Variants in LRRC7 observed in about 807,000 individuals in gnomAD.
LRRC7 encodes the protein leucine rich repeat containing 7, also known as leucine-rich repeat-containing protein 7.
In LRRC7, 23 loss-of-function variants were observed where a neutral mutation model predicts 175.7. The observed-to-expected ratio is 0.13, with a 90% CI of 0.09 to 0.19. LRRC7 has a LOEUF of 0.19. LRRC7 is among the 10% of genes least tolerant of loss of function. The probability of loss-of-function intolerance (pLI) is 1.00; values close to 1 mark genes in which losing one functional copy is unlikely to be tolerated. For synonymous variants in LRRC7, 685 were observed against 680.9 expected (o/e 1.01, Z -0.09); for missense variants, 1,354 against 1,904.7 (o/e 0.71, Z 5.38).
intron 2 of LRRC7, among the ~76,000 whole-genome samples, chr1:69,680,044 G>A (rs942726605): frequency 6.6e-6 from 1 of 152,074 alleles, no homozygotes; most frequent in African/African-American, 2.4e-5. Flanking sequence ...ATTTACCTGG[G>A]TCTTCATAAA....
chr1:69,771,453 ATCT>A (rs1672234512), intron 3 of LRRC7, among the ~76,000 whole-genome samples: 1 of 152,140 alleles, frequency 6.6e-6, no homozygotes, highest in East Asian at 1.9e-4. Flanking sequence ...CAGTTTTATA[ATCT>A]TCTACAAGTT....
intron 3 of LRRC7, among the ~76,000 whole-genome samples, chr1:69,773,416 T>C (rs1462100800): frequency 6.6e-6 from 1 of 152,012 alleles, no homozygotes; most frequent in African/African-American, 2.4e-5. Flanking sequence ...GAGGTTCCAG[T>C]GTGTGAAAGA....
At chr1:70,026,286 A>G (rs1312011633) in intron 17 of LRRC7, among the ~76,000 whole-genome samples, 1 of 152,134 alleles carries the variant, frequency 6.6e-6, no homozygotes, top group Non-Finnish European at 1.5e-5. Flanking sequence ...AGCTGGTTAT[A>G]AAAAATAAAA....
Position 70,131,961 on chromosome 1 carries a change from G to A in LRRC7, c.*10074G>A, listed in dbSNP as rs1327151038. 6.6e-6 allele frequency among the ~76,000 whole-genome samples: 1 copy of A among 152,152 alleles called. No homozygotes were observed. The highest frequency in any genetic ancestry group is 2.4e-5 in the African/African-American group (1 of 41,440). ...AGCATTTTAGAATAATGAGAATAAT[G>A]AGTGAGTAAGGAACAAGAACAGACT... is the stretch of plus-strand genomic sequence containing the variant. On this transcript the variant is annotated 3_prime_UTR_variant, in exon 27 of 27. Transcript: ENST00000651989.
intron 18 of LRRC7, among the ~76,000 whole-genome samples, chr1:70,032,333 C>A (rs1449736983): frequency 6.6e-6 from 1 of 151,972 alleles, no homozygotes; most frequent in Non-Finnish European, 1.5e-5. Context: ...AATCTTGGCT[C>A]CACCTTGTGA....
chr1:69,947,583 CA>C (rs1254316932), intron 8 of LRRC7, among the ~76,000 whole-genome samples: 1 of 151,922 alleles, frequency 6.6e-6, no homozygotes, highest in East Asian at 1.9e-4. Context: ...TGTCACAGCT[CA>C]TATATTTTTA....
chr1:70,140,330 T>C lies in LRRC7; in HGVS notation c.*18443T>C, dbSNP rs1448664438. 1 of 152,162 alleles carries C rather than the reference T, an allele frequency of 6.6e-6. No individual in the cohort carries two copies. The highest frequency in any genetic ancestry group is 2.4e-5 in the African/African-American group (1 of 41,436). The allele number at this position is 152,162 out of a possible 1,614,324, so 9.4% of individuals were successfully genotyped here. On this transcript the variant is annotated 3_prime_UTR_variant, in exon 27 of 27. Coordinates refer to ENST00000651989, the MANE Select transcript of LRRC7 (RefSeq NM_001370785.2). ...TACAGCACGCTTACTACTTTCTCCT[T>C]CCATTTTCCACACCTCAGCCCCCTA... is the stretch of plus-strand genomic sequence containing the variant.
At chr1:69,789,006 AAATG>A (rs1489752274) in intron 3 of LRRC7, among the ~76,000 whole-genome samples, 1 of 152,176 alleles carries the variant, frequency 6.6e-6, no homozygotes, top group Non-Finnish European at 1.5e-5. Context: ...TTTCATGAAC[AAATG>A]AATGAATGAA....
rs1666825732 is a variant in LRRC7 at position 70,135,391 on chromosome 1, A to G, written c.*13504A>G. 6.6e-6 allele frequency among the ~76,000 whole-genome samples: 1 copy of G among 152,200 alleles called. No homozygotes were observed. The highest frequency in any genetic ancestry group is 2.4e-5 in the African/African-American group (1 of 41,454). On this transcript the variant is annotated 3_prime_UTR_variant, in exon 27 of 27. Transcript: ENST00000651989. ...CATTTTTTTAGTTCTGTCATGAGGT[A>G]AAGATGTAAAGATGTAAAAAGCTCT...
At chr1:69,642,484 T>C (rs1654357826) in intron 1 of LRRC7, among the ~76,000 whole-genome samples, 1 of 152,064 alleles carries the variant, frequency 6.6e-6, no homozygotes, top group Non-Finnish European at 1.5e-5. Flanking sequence ...ATAGTAAATA[T>C]AATAACTTAC....
At chr1:69,727,814 G>A (rs906981877) in intron 2 of LRRC7, among the ~76,000 whole-genome samples, 5 of 152,248 alleles carry the variant, frequency 3.3e-5, no homozygotes, top group African/African-American at 7.2e-5. Flanking sequence ...TTATAACTAC[G>A]AAATCTTACC....
chr1:69,799,349 T>C (rs916337238), intron 4 of LRRC7, among the ~76,000 whole-genome samples: 1 of 152,060 alleles, frequency 6.6e-6, no homozygotes, highest in African/African-American at 2.4e-5. Context: ...CTCATCCTTT[T>C]CCCCACAACC....
chr1:69,821,496 A>T (rs1304698674), intron 4 of LRRC7, among the ~76,000 whole-genome samples: 2 of 151,506 alleles, frequency 1.3e-5, no homozygotes, highest in East Asian at 1.9e-4. Flanking sequence ...GATTTTATTG[A>T]TTTGTCCATC....
At chr1:70,004,979 C>T (rs1324827403) in intron 11 of LRRC7, among the ~76,000 whole-genome samples, 8 of 151,872 alleles carry the variant, frequency 5.3e-5, no homozygotes, top group African/African-American at 9.7e-5. Flanking sequence ...AAGGGAATAT[C>T]GCAGGACAAC....
chr1:69,885,059 A>T (rs201400788), intron 7 of LRRC7, among the ~76,000 whole-genome samples: 38,729 of 112,634 alleles, frequency 0.34, 7,294 homozygotes, highest in East Asian at 0.47. Context: ...TTCATCAAGG[A>T]TATTGGTCTA....
At chr1:69,580,072 G>C (rs1240955456) in intron 1 of LRRC7, among the ~76,000 whole-genome samples, 1 of 152,094 alleles carries the variant, frequency 6.6e-6, no homozygotes, top group Non-Finnish European at 1.5e-5. Flanking sequence ...TGGCACATAG[G>C]TATTTGACAT....
At chr1:69,937,801 G>A (rs907778781) in intron 8 of LRRC7, among the ~76,000 whole-genome samples, 1 of 151,778 alleles carries the variant, frequency 6.6e-6, no homozygotes, top group Non-Finnish European at 1.5e-5. Context: ...TTTTCTTCTT[G>A]AAAAAGCAGT....
intron 1 of LRRC7, among the ~76,000 whole-genome samples, chr1:69,674,409 A>G (rs1659510523): frequency 6.6e-6 from 1 of 152,138 alleles, no homozygotes; most frequent in Non-Finnish European, 1.5e-5. Flanking sequence ...TCTTTCATAA[A>G]GTTGTTCAAA....
rs1667202347 is a variant in LRRC7, at chr1:70,144,081, G to A, written c.*22194G>A. The A allele has an allele frequency of 6.6e-6, 1 of 152,094 alleles. No individual in the cohort carries two copies. The highest frequency in any genetic ancestry group is 2.4e-5 in the African/African-American group (1 of 41,434). The allele number at this position is 152,094 out of a possible 1,614,324, so 9.4% of individuals were successfully genotyped here. A position where few individuals can be genotyped will look rare whatever the true frequency, so the allele number is the denominator to read the frequency against. On this transcript the variant is annotated 3_prime_UTR_variant, in exon 27 of 27. Coordinates refer to ENST00000651989, the MANE Select transcript of LRRC7 (RefSeq NM_001370785.2). Reference sequence around the variant, plus strand: ...TATATTTTAAATTTACTGAACCAGTGAAATTAATTACTGTCAGTTAATTTG... The same window carrying A: ...TATATTTTAAATTTACTGAACCAGTAAAATTAATTACTGTCAGTTAATTTG...
Sources: gnomAD v4.1 joint callset for allele counts (sites outside exome capture counted in the v4.1 genomes callset) on GRCh38, gnomAD v4.1.1 for gene constraint, MANE v1.5 for transcripts, NCBI Gene and HGNC (gene_info 2026-07-23, HGNC 2026-07-21) for gene names.